Variants in EGFLAM observed in about 807,000 individuals in gnomAD.
EGFLAM encodes the protein EGF like, fibronectin type III and laminin G domains.
A neutral mutation model predicts 113.1 loss-of-function variants in EGFLAM; 79 were observed. The ratio of observed to expected loss-of-function variants is 0.70; its 90% CI spans 0.58 to 0.84. The LOEUF is 0.84. Among genes scored for constraint, EGFLAM ranks in the 40% least tolerant of loss-of-function variants. EGFLAM has a pLI of 0.00. For missense variants in EGFLAM, 1,265 were observed against 1,291.6 expected (o/e 0.98, Z 0.32); for synonymous variants, 504 against 487.6 (o/e 1.03, Z -0.44).
rs376044970 is a variant in EGFLAM, at chr5:38,445,735, G to C, written c.2465-2566G>C. The C allele has an allele frequency of 2.0e-5, 32 of 1,596,502 alleles. No homozygotes were observed. In the African/African-American group the frequency reaches 3.7e-4, roughly 19 times the overall value. On this transcript the variant is annotated intron_variant, in intron 17 of 21. Transcript: ENST00000322350. ...CAGTAAGTCCTGTGAGAAACTGCGA[G>C]AGCGCTCTGGGCTGGGGCAGGCCAA...
chr5:38,288,659 A>G (rs1758230568), intron 1 of EGFLAM, among the ~76,000 whole-genome samples: 1 of 152,238 alleles, frequency 6.6e-6, no homozygotes, highest in Admixed American at 6.5e-5. Flanking sequence ...CAGTTACATA[A>G]TGAAGCTTAG....
rs369410918 is a variant in EGFLAM at position 38,425,017 on chromosome 5, A to G, written c.1735A>G (p.Thr579Ala). The G allele has an allele frequency of 1.2e-6, 2 of 1,613,976 alleles. No homozygotes were observed. Residue 579 changes from threonine (T) to alanine (A), a missense_variant, in exon 13 of 22, where the codon ACC becomes GCC. Thr to Ala is a moderately conservative substitution (Grantham distance 58, BLOSUM62 0). Transcript: ENST00000322350. ...CDEASCIHGG[T>A]CTAIKADSYI... ...TGAGGCCTCGTGCATCCATGGTGGC[A>G]CCTGCACAGCAATCAAAGCCGACTC...
At chr5:38,391,353 C>T (rs1251667725) in intron 6 of EGFLAM, among the ~76,000 whole-genome samples, 3 of 150,834 alleles carry the variant, frequency 2.0e-5, no homozygotes, top group African/African-American at 7.4e-5. Flanking sequence ...TACTTTAATA[C>T]CACAGTGTTT....
intron 1 of EGFLAM, among the ~76,000 whole-genome samples, chr5:38,261,285 T>C (rs971692220): frequency 6.6e-6 from 1 of 152,230 alleles, no homozygotes; most frequent in African/African-American, 2.4e-5. Flanking sequence ...AAGAAACCTC[T>C]GCATTTGCCA....
At chr5:38,388,933 C>CAAAAAAAAACA (rs33962258) in intron 6 of EGFLAM, among the ~76,000 whole-genome samples, 1 of 139,530 alleles carries the variant, frequency 7.2e-6, no homozygotes, top group African/African-American at 2.8e-5. Context: ...AAAAAAAAAA[C>CAAAAAAAAACA]AAAAAAAAAT....
At chr5:38,431,351 T>C in intron 15 of EGFLAM, 63 bp downstream of exon 15, 1 of 1,511,552 alleles carries the variant, frequency 6.6e-7, no homozygotes, top group Non-Finnish European at 9.1e-7. Flanking sequence ...TTTCTGCCTG[T>C]CTTGGTAGAA....
chr5:38,456,417 C>T (rs1297674425), intron 19 of EGFLAM, among the ~76,000 whole-genome samples: 1 of 152,166 alleles, frequency 6.6e-6, no homozygotes, highest in Non-Finnish European at 1.5e-5. Context: ...CCACCAGCAA[C>T]TCGCCCTACT....
chr5:38,420,670 A>G (rs1309956538), intron 12 of EGFLAM, among the ~76,000 whole-genome samples: 1 of 152,218 alleles, frequency 6.6e-6, no homozygotes, highest in African/African-American at 2.4e-5. Flanking sequence ...CCATCAAATC[A>G]GCTATAATCT....
intron 6 of EGFLAM, among the ~76,000 whole-genome samples, chr5:38,373,993 G>T (rs1188738312): frequency 6.6e-6 from 1 of 152,146 alleles, no homozygotes; most frequent in Non-Finnish European, 1.5e-5. Context: ...CTGAGGATGG[G>T]ATAAGCCCAG....
rs892806921 is a variant in EGFLAM, at chr5:38,385,329, G to A, written c.712+14867G>A. On this transcript the variant is annotated intron_variant, in intron 6 of 21. Transcript: ENST00000322350. ...CCAACAAACACCAACATCCAAAGAT[G>A]CTCAAGTCTCTTATATAAAATAGAG... 2.5e-4 allele frequency among the ~76,000 whole-genome samples: 30 copies of A among 121,840 alleles called. No individual in the cohort carries two copies. In the East Asian group the frequency reaches 2.5e-3, roughly 10 times the overall value. The allele number at this position is 121,840 out of a possible 152,430, so 79.9% of individuals were successfully genotyped here. A position where few individuals can be genotyped will look rare whatever the true frequency, so the allele number is the denominator to read the frequency against.
chr5:38,380,717 C>T (rs1016672089), intron 6 of EGFLAM, among the ~76,000 whole-genome samples: 1 of 152,142 alleles, frequency 6.6e-6, no homozygotes, highest in Non-Finnish European at 1.5e-5. Flanking sequence ...GCTGATGACT[C>T]CATGCATGTA....
intron 1 of EGFLAM, among the ~76,000 whole-genome samples, chr5:38,316,588 C>T (rs1202960941): frequency 2.6e-5 from 4 of 152,152 alleles, no homozygotes; most frequent in African/African-American, 9.7e-5. Context: ...TATGATGATT[C>T]TTCATTCCCC....
In EGFLAM at chr5:38,425,000, C is replaced by T. The variant is rs764341551; in HGVS notation, c.1718C>T (p.Ser573Leu). 1.5e-5 allele frequency: 25 copies of T among 1,613,846 alleles called. No homozygotes were observed. The highest frequency in any genetic ancestry group is 1.4e-4 in the South Asian group (13 of 91,078). ...ECSSGICDEA[S>L]CIHGGTCTAI... is the part of the protein sequence containing the mutation. The stretch of plus-strand genomic sequence containing the variant: ...AGCAGTGGAATCTGTGATGAGGCCT[C>T]GTGCATCCATGGTGGCACCTGCACA... The change falls in exon 13 of 22, where the codon TCG (serine) becomes TTG (leucine). Residue 573 changes from serine (S) to leucine (L), a missense_variant. Transcript: ENST00000322350.
chr5:38,378,070 T>A (rs1331779360), intron 6 of EGFLAM, among the ~76,000 whole-genome samples: 6 of 152,208 alleles, frequency 3.9e-5, no homozygotes, highest in Admixed American at 3.9e-4. Flanking sequence ...GTTCTCTCCA[T>A]AAACTGTTTT....
intron 1 of EGFLAM, among the ~76,000 whole-genome samples, chr5:38,322,225 A>G (rs1034692141): frequency 6.6e-6 from 1 of 152,186 alleles, no homozygotes; most frequent in Non-Finnish European, 1.5e-5. Context: ...GAGGGCCCAC[A>G]TGGCTAGCAG....
chr5:38,388,375 G>C (rs1258020425), intron 6 of EGFLAM, among the ~76,000 whole-genome samples: 1 of 152,104 alleles, frequency 6.6e-6, no homozygotes, highest in Admixed American at 6.6e-5. Flanking sequence ...ATCCCAGCAT[G>C]CTGGGAGGCC....
rs964162685 is a variant in EGFLAM, at chr5:38,262,538, T to A, written c.97+3687T>A. Among the ~76,000 whole-genome samples, 96 of 152,298 alleles carry A rather than the reference T, an allele frequency of 6.3e-4. 1 individual carries two copies. The highest frequency in any genetic ancestry group is 2.3e-3 in the African/African-American group (95 of 41,570). On this transcript the variant is annotated intron_variant, in intron 1 of 21. Transcript: ENST00000322350. ...ATGACTCCCTCCCAGCCCCTGGTAATCACTGATCTAACTTCTATCCCTGTA... is the reference window on the plus strand; with the variant it reads ...ATGACTCCCTCCCAGCCCCTGGTAAACACTGATCTAACTTCTATCCCTGTA...
chr5:38,331,349 A>G (rs1324164660), intron 1 of EGFLAM, among the ~76,000 whole-genome samples: 1 of 152,200 alleles, frequency 6.6e-6, no homozygotes, highest in Non-Finnish European at 1.5e-5. Context: ...CCATTATGGT[A>G]TCATATAGAA....
chr5:38,346,864 G>A (rs1739484584), intron 3 of EGFLAM, among the ~76,000 whole-genome samples: 1 of 152,118 alleles, frequency 6.6e-6, no homozygotes, highest in African/African-American at 2.4e-5. Context: ...GTGAAGCTCA[G>A]GAGCACAGAT....
Sources: gnomAD v4.1 joint callset for allele counts (sites outside exome capture counted in the v4.1 genomes callset) on GRCh38, gnomAD v4.1.1 for gene constraint, MANE v1.5 for transcripts, NCBI Gene and HGNC (gene_info 2026-07-23, HGNC 2026-07-21) for gene names.